The following TBC1D15 variants were observed in gnomAD, a reference collection of about 807,000 sequenced individuals.
TBC1D15 encodes the protein TBC1 domain family member 15.
A neutral mutation model predicts 95.4 loss-of-function variants in TBC1D15; 39 were observed. That is an observed-to-expected ratio of 0.41 (90% CI 0.32 to 0.53). The LOEUF (loss-of-function observed/expected upper bound fraction) is 0.53, where lower values mean the gene tolerates loss of function less well. Ranked by LOEUF, TBC1D15 falls within the 20% of genes least tolerant of loss-of-function variation. The pLI is 0.29. For missense variants in TBC1D15, 733 were observed against 794.3 expected, an observed-to-expected ratio of 0.92 and a Z score of 0.93; for synonymous variants, 258 against 261.3, an observed-to-expected ratio of 0.99 and a Z score of 0.12.
chr12:71,903,086 A>AT (rs548528929), intron 10 of TBC1D15, among the ~76,000 whole-genome samples: 61 of 151,372 alleles, frequency 4.0e-4, no homozygotes, highest in East Asian at 1.2e-3. Context: ...TAATTTTAGA[A>AT]TTTTTTTTTA....
At chr12:71,892,180 C>A (rs1897299366) in intron 5 of TBC1D15, among the ~76,000 whole-genome samples, 1 of 152,000 alleles carries the variant, frequency 6.6e-6, no homozygotes, top group South Asian at 2.1e-4. Context: ...AATGACTCAA[C>A]CTCAGCCCCT....
rs1371860636 is a variant in TBC1D15, at chr12:71,924,181, T to C, written c.*977T>C. 2 of 152,634 alleles carry C rather than the reference T, an allele frequency of 1.3e-5. No homozygotes were observed. Among genetic ancestry groups the C allele is most frequent in the Non-Finnish European group, 2.9e-5 (2 of 68,020 alleles). The allele number at this position is 152,634 out of a possible 1,614,324, so 9.5% of individuals were successfully genotyped here. On this transcript the variant is annotated 3_prime_UTR_variant, in exon 17 of 17. Coordinates refer to ENST00000485960, the MANE Select transcript of TBC1D15 (RefSeq NM_001146213.3). Reference sequence around the variant, plus strand: ...GAGTTTCAAAATAATAATTTTTGTGTATGAACAAAGCTGTTGTTTTTACCA... The same window carrying C: ...GAGTTTCAAAATAATAATTTTTGTGCATGAACAAAGCTGTTGTTTTTACCA...
intron 1 of TBC1D15, among the ~76,000 whole-genome samples, chr12:71,857,997 G>A (rs184603772): frequency 6.3e-4 from 96 of 152,154 alleles, no homozygotes; most frequent in Middle Eastern, 3.4e-3. Context: ...GCTCATCCAT[G>A]TTACTGCAAA....
intron 1 of TBC1D15, chr12:71,849,163 TAA>T (rs3832834): frequency 0.011 from 1,903 of 176,724 alleles, 6 homozygotes; most frequent in African/African-American, 0.026. Context: ...ACTGTGATTA[TAA>T]AAAAAAAAAA....
chr12:71,893,127 T>G, intron 5 of TBC1D15, 95 bp from the exon 6 acceptor site: 2 of 627,312 alleles, frequency 3.2e-6, no homozygotes, highest in Non-Finnish European at 4.7e-6. Flanking sequence ...TGGGTTTTTT[T>G]TTTTTTTGGT....
intron 3 of TBC1D15, among the ~76,000 whole-genome samples, chr12:71,876,315 A>G (rs977773182): frequency 6.6e-6 from 1 of 151,340 alleles, no homozygotes; most frequent in African/African-American, 2.4e-5. Context: ...TTTTTTTCCA[A>G]TTTACATATG....
intron 13 of TBC1D15, 71 bp downstream of exon 13, chr12:71,917,868 C>A: frequency 1.9e-6 from 2 of 1,062,658 alleles, no homozygotes; most frequent in Non-Finnish European, 2.9e-6. Context: ...GTAAAGAACT[C>A]TTTAAAGAAG....
At chr12:71,865,432 A>G (rs1423719177) in intron 1 of TBC1D15, among the ~76,000 whole-genome samples, 1 of 152,140 alleles carries the variant, frequency 6.6e-6, no homozygotes, top group Non-Finnish European at 1.5e-5. Context: ...AGTAGGGTTC[A>G]GTGGTAACGT....
At chr12:71,898,007 A>G in intron 10 of TBC1D15, 66 bp downstream of exon 10, 2 of 1,199,786 alleles carry the variant, frequency 1.7e-6, no homozygotes, top group Admixed American at 1.8e-5. Context: ...ATAAGAGTAA[A>G]GAAGTGAAGA....
At chr12:71,893,146 T>G in intron 5 of TBC1D15, 76 bp from the exon 6 acceptor site, 2 of 639,996 alleles carry the variant, frequency 3.1e-6, no homozygotes, top group Non-Finnish European at 4.5e-6. Flanking sequence ...GTAAGGAACA[T>G]TTGTGTTAGT....
chr12:71,917,909 A>G (rs1904083662), intron 13 of TBC1D15, 112 bp downstream of exon 13: 1 of 653,802 alleles, frequency 1.5e-6, no homozygotes, highest in Non-Finnish European at 2.6e-6. Context: ...CTATAATCCC[A>G]GCACTTTGGA....
Position 71,923,304 on chromosome 12 carries a change from AG to A in TBC1D15, c.*102del. On this transcript the variant is annotated 3_prime_UTR_variant, in exon 17 of 17. Coordinates refer to ENST00000485960, the MANE Select transcript of TBC1D15 (RefSeq NM_001146213.3). ...AAATCTTGGTATTGATCATGCTTTAAGGTTTATGTAAAGAAAGTGTACTGAT... is the reference window on the plus strand; with the variant it reads ...AAATCTTGGTATTGATCATGCTTTAAGTTTATGTAAAGAAAGTGTACTGAT... 2.8e-6 allele frequency: 3 copies of A among 1,070,682 alleles called. No homozygotes were observed. The highest frequency in any genetic ancestry group is 4.1e-6 in the Non-Finnish European group (3 of 726,250). 66.3% of individuals were successfully genotyped at this position (1,070,682 alleles called of 1,614,324 possible).
chr12:71,920,877 G>A (rs376573148), intron 15 of TBC1D15, 30 bp downstream of exon 15: 4 of 1,525,046 alleles, frequency 2.6e-6, no homozygotes, highest in African/African-American at 1.4e-5. Flanking sequence ...AGATTTTAGT[G>A]TTCTGGCTTT....
At chr12:71,844,573 G>A (rs879680532) in intron 1 of TBC1D15, among the ~76,000 whole-genome samples, 1 of 152,098 alleles carries the variant, frequency 6.6e-6, no homozygotes, top group Non-Finnish European at 1.5e-5. Context: ...AGGTAAGATA[G>A]CATTTATTAG....
chr12:71,923,139 G>C lies in TBC1D15; in HGVS notation c.1960G>C (p.Ala654Pro), dbSNP rs770577886. 2.5e-6 allele frequency: 4 copies of C among 1,614,058 alleles called. No homozygotes were observed. In the African/African-American group the frequency reaches 5.3e-5, roughly 22 times the overall value. Residue 654 changes from alanine (A) to proline (P), a missense_variant, in exon 17 of 17, where the codon GCC (alanine) becomes CCC (proline). Physicochemically the swap from Ala to Pro is conservative, Grantham distance 27. Transcript: ENST00000485960. ...NALPTLSASG[A>P]RNDSPTQIPV... is the part of the protein sequence containing the mutation. The stretch of plus-strand genomic sequence containing the variant: ...CTTGCCTACACTCTCTGCCAGTGGA[G>C]CCAGAAATGACAGCCCAACACAGAT...
intron 13 of TBC1D15, among the ~76,000 whole-genome samples, 182 bp from the exon 14 acceptor site, chr12:71,918,269 A>G (rs533212301): frequency 2.0e-5 from 3 of 152,336 alleles, no homozygotes; most frequent in East Asian, 3.9e-4. Flanking sequence ...CGTAAAATGT[A>G]TTATTTGTTA....
chr12:71,862,693 GGTT>G (rs1464892534), intron 1 of TBC1D15, among the ~76,000 whole-genome samples: 2 of 152,040 alleles, frequency 1.3e-5, no homozygotes, highest in African/African-American at 4.8e-5. Context: ...AATTGTTTCT[GGTT>G]GTTTTGTATA....
At chr12:71,873,725 T>A (rs918785962) in intron 3 of TBC1D15, among the ~76,000 whole-genome samples, 16 of 152,344 alleles carry the variant, frequency 1.1e-4, no homozygotes, top group African/African-American at 3.8e-4. Flanking sequence ...CATCAACACT[T>A]GTTATTATCT....
intron 1 of TBC1D15, chr12:71,861,407 T>G: frequency 6.8e-7 from 1 of 1,473,300 alleles, no homozygotes; most frequent in Non-Finnish European, 9.0e-7. Flanking sequence ...TTTTTCAGGT[T>G]TTTGGTTTCT....
Sources: gnomAD v4.1 joint callset for allele counts (sites outside exome capture counted in the v4.1 genomes callset) on GRCh38, gnomAD v4.1.1 for gene constraint, MANE v1.5 for transcripts, NCBI Gene and HGNC (gene_info 2026-07-23, HGNC 2026-07-21) for gene names.